DGKG: variants seen among roughly 807,000 people sequenced by gnomAD.
DGKG encodes the protein diacylglycerol kinase gamma, also known as DAG kinase gamma.
In DGKG, 78 loss-of-function variants were observed where a neutral mutation model predicts 105.3. That is an observed-to-expected ratio of 0.74 (90% confidence interval 0.62 to 0.89). The LOEUF is 0.89. Ranked by LOEUF, DGKG falls within the 40% of genes least tolerant of loss-of-function variation. DGKG has a pLI of 0.00. For synonymous variants in DGKG, 346 were observed against 367.1 expected (o/e 0.94, Z 0.66); for missense variants, 958 against 1,020.1 (o/e 0.94, Z 0.83).
intron 5 of DGKG, among the ~76,000 whole-genome samples, chr3:186,292,560 G>A (rs554311720): frequency 4.6e-5 from 7 of 152,318 alleles, no homozygotes; most frequent in African/African-American, 1.7e-4. Context: ...TTGGGAGGCC[G>A]AGGTGGGTGG....
chr3:186,152,790 A>C (rs1715828216), intron 24 of DGKG, among the ~76,000 whole-genome samples: 1 of 152,054 alleles, frequency 6.6e-6, no homozygotes, highest in Non-Finnish European at 1.5e-5. Context: ...CAGCCTCCTG[A>C]GTAGCTGGGA....
intron 2 of DGKG, among the ~76,000 whole-genome samples, chr3:186,315,018 G>A: frequency 6.6e-6 from 1 of 152,072 alleles, no homozygotes; most frequent in East Asian, 1.9e-4. Flanking sequence ...TCAGTAGGCG[G>A]CATCCCCACA....
At chr3:186,282,729 T>G (rs1309669097) in intron 7 of DGKG, among the ~76,000 whole-genome samples, 2 of 152,104 alleles carry the variant, frequency 1.3e-5, no homozygotes, top group Admixed American at 6.5e-5. Flanking sequence ...TTGGCTAGGC[T>G]GGTCTCAAAC....
chr3:186,232,682 T>C (rs575510184), intron 20 of DGKG, among the ~76,000 whole-genome samples: 1 of 152,332 alleles, frequency 6.6e-6, no homozygotes, highest in Non-Finnish European at 1.5e-5. Flanking sequence ...ATAATAACAC[T>C]GTCTGATGTA....
At chr3:186,204,170 A>G (rs1718610221) in intron 21 of DGKG, among the ~76,000 whole-genome samples, 1 of 152,152 alleles carries the variant, frequency 6.6e-6, no homozygotes, top group African/African-American at 2.4e-5. Context: ...GCACTTTGGG[A>G]GGCCAAGGCA....
intron 7 of DGKG, among the ~76,000 whole-genome samples, chr3:186,283,451 T>C (rs1408561080): frequency 6.6e-6 from 1 of 152,144 alleles, no homozygotes; most frequent in Non-Finnish European, 1.5e-5. Flanking sequence ...TCCCTCACCT[T>C]CTTCATGCCT....
Position 186,260,530 on chromosome 3 carries a change from AAAAG to A in DGKG, c.1350-21_1350-18del. On this transcript the variant is annotated intron_variant, in intron 15 of 24. Coordinates refer to ENST00000265022, the MANE Select transcript of DGKG (RefSeq NM_001346.3). ...CGAAGAATTCTATGGAAAAAAAAAG[AAAAG>A]GAGGGAGAGAGAGAGACAGAGAAGG... 1 of 1,570,244 alleles carries A rather than the reference AAAAG, an allele frequency of 6.4e-7. No homozygotes were observed. The highest frequency in any genetic ancestry group is 8.8e-7 in the Non-Finnish European group (1 of 1,141,368).
intron 20 of DGKG, among the ~76,000 whole-genome samples, chr3:186,232,885 A>T (rs903893526): frequency 9.9e-5 from 15 of 152,226 alleles, no homozygotes; most frequent in Non-Finnish European, 1.9e-4. Flanking sequence ...ATCATCTAAC[A>T]TGGTTATTAT....
At chr3:186,344,878 G>A (rs1244205964) in intron 1 of DGKG, among the ~76,000 whole-genome samples, 2 of 152,018 alleles carry the variant, frequency 1.3e-5, no homozygotes, top group South Asian at 2.1e-4. Flanking sequence ...AATGTTCTAC[G>A]AGCCCTAGAA....
chr3:186,255,882 C>G (rs1664628305), intron 17 of DGKG, among the ~76,000 whole-genome samples: 1 of 152,152 alleles, frequency 6.6e-6, no homozygotes, highest in Non-Finnish European at 1.5e-5. Context: ...ACGCAGTTAT[C>G]CCTTTTGCTT....
chr3:186,199,479 C>T (rs1158610205), intron 21 of DGKG, among the ~76,000 whole-genome samples: 1 of 152,098 alleles, frequency 6.6e-6, no homozygotes, highest in African/African-American at 2.4e-5. Flanking sequence ...TATTTTATGT[C>T]TAATCTTCAC....
chr3:186,358,835 G>A (rs1188773744), intron 1 of DGKG, among the ~76,000 whole-genome samples: 3 of 152,122 alleles, frequency 2.0e-5, no homozygotes, highest in African/African-American at 7.2e-5. Context: ...TGATCATGAT[G>A]CACGTTCACA....
chr3:186,283,331 A>G (rs1722912180), intron 7 of DGKG, among the ~76,000 whole-genome samples: 1 of 151,922 alleles, frequency 6.6e-6, no homozygotes. Flanking sequence ...CTGTTTACTC[A>G]TTCTGCTCCA....
chr3:186,323,064 T>G (rs1725157016), intron 1 of DGKG, among the ~76,000 whole-genome samples: 2 of 152,196 alleles, frequency 1.3e-5, no homozygotes, highest in Non-Finnish European at 2.9e-5. Flanking sequence ...CTCCCTGCCT[T>G]GCGCTTTGTT....
intron 24 of DGKG, chr3:186,158,028 G>T: frequency 3.7e-6 from 1 of 273,970 alleles, no homozygotes; most frequent in Non-Finnish European, 5.6e-6. Flanking sequence ...ATAAAGCCAC[G>T]GACACAGTTA....
intron 1 of DGKG, among the ~76,000 whole-genome samples, chr3:186,349,772 A>G (rs892775958): frequency 6.6e-6 from 1 of 152,142 alleles, no homozygotes; most frequent in African/African-American, 2.4e-5. Flanking sequence ...GTTTTTTTAC[A>G]TGGTAAAATA....
chr3:186,225,664 G>A (rs577100763), intron 20 of DGKG, among the ~76,000 whole-genome samples: 3 of 152,010 alleles, frequency 2.0e-5, no homozygotes, highest in Admixed American at 2.0e-4. Context: ...CCTTTACACA[G>A]CACTCAGGCT....
At position 186,280,254 on chromosome 3, in the gene DGKG, A is replaced by G. The variant is rs191285408; in HGVS notation, c.670-281T>C. 9.1e-3 allele frequency among the ~76,000 whole-genome samples: 1,379 copies of G among 152,318 alleles called. 26 individuals are homozygous for G. Among genetic ancestry groups the G allele is most frequent in the African/African-American group, 0.031 (1,276 of 41,560 alleles). On this transcript the variant is annotated intron_variant, in intron 8 of 24. Coordinates refer to ENST00000265022, the MANE Select transcript of DGKG (RefSeq NM_001346.3). ...TTGTGTTTGTGGCACTGTAGCAGGGATTAGAGAAAATGAATGTAAAGTGAA... is the reference window on the plus strand; with the variant it reads ...TTGTGTTTGTGGCACTGTAGCAGGGGTTAGAGAAAATGAATGTAAAGTGAA...
intron 21 of DGKG, among the ~76,000 whole-genome samples, chr3:186,197,509 C>T (rs1372615200): frequency 6.6e-6 from 1 of 152,080 alleles, no homozygotes; most frequent in African/African-American, 2.4e-5. Context: ...CTGTGCAGCC[C>T]CCGGGGCCTG....
Sources: allele counts gnomAD v4.1 joint callset (sites outside exome capture counted in the v4.1 genomes callset), GRCh38; gene constraint gnomAD v4.1.1; transcripts MANE v1.5; gene names NCBI Gene and HGNC (gene_info 2026-07-23, HGNC 2026-07-21).